MCOLN3: variants seen among roughly 807,000 people sequenced by gnomAD.
MCOLN3 encodes the protein mucolipin TRP cation channel 3, also known as mucolipin-3.
MCOLN3 carries 62 observed loss-of-function variants against 69.4 expected under a neutral mutation model. That is an observed-to-expected ratio of 0.89 (90% CI 0.73 to 1.10). MCOLN3 has a LOEUF of 1.10. Ranked by LOEUF, MCOLN3 falls within the 50% of genes least tolerant of loss-of-function variation. The pLI, the probability that MCOLN3 is intolerant of heterozygous loss-of-function variation, is 0.00. For missense variants in MCOLN3, 564 were observed against 656.4 expected, an observed-to-expected ratio of 0.86 and a Z score of 1.54; for synonymous variants, 183 against 217.0, an observed-to-expected ratio of 0.84 and a Z score of 1.38.
chr1:85,021,974 T>A, intron 11 of MCOLN3, 96 bp downstream of exon 11: 1 of 1,453,980 alleles, frequency 6.9e-7, no homozygotes, highest in Non-Finnish European at 9.3e-7. Flanking sequence ...TAAGGCTGAA[T>A]CACAAAATAA....
At position 85,045,152 on chromosome 1, in the gene MCOLN3, AT is replaced by A. The variant is rs1653279741; in HGVS notation, c.208del (p.Ile70LeufsTer4). On this transcript the variant is annotated frameshift_variant, in exon 2 of 13. Transcript: ENST00000370589. LOFTEE classifies it high-confidence loss of function. ...GCTTACCTGGATAGTCACCATTGCA[AT>A]TTTTAGAATTTGTATGGCAAGTTTC... The part of the protein sequence containing the change: ...PWKLAIQILK[I>X]AMVTIQLVLF... 1 of 1,613,616 alleles carries A rather than the reference AT, an allele frequency of 6.2e-7. No individual in the cohort carries two copies. Among genetic ancestry groups the A allele is most frequent in the South Asian group, 1.1e-5 (1 of 91,044 alleles).
chr1:85,032,785 T>A lies in MCOLN3; in HGVS notation c.643A>T (p.Thr215Ser). ...NLTLDFHRLL[T>S]VELQFKLKAI... is the part of the protein sequence containing the mutation. ...TTCAGTTTAAACTGAAGCTCCACTG[T>A]TAGGAGTCTAGAAAACAGAGGTGAT... Residue 215 changes from threonine (T) to serine (S), a missense_variant, in exon 6 of 13, where the codon ACA becomes TCA. Coordinates refer to ENST00000370589, the MANE Select transcript of MCOLN3 (RefSeq NM_018298.11). 1 of 1,614,072 alleles carries A rather than the reference T, an allele frequency of 6.2e-7. No individual in the cohort carries two copies. Among genetic ancestry groups the A allele is most frequent in the Non-Finnish European group, 8.5e-7 (1 of 1,179,892 alleles).
In MCOLN3 at chr1:85,034,270, A is replaced by T. The variant is rs753922432; in HGVS notation, c.397-19T>A. The T allele has an allele frequency of 6.2e-7, 1 of 1,613,676 alleles. No homozygotes were observed. The highest frequency in any genetic ancestry group is 8.5e-7 in the Non-Finnish European group (1 of 1,179,622). ...GCAAGTACTTCAACCAAAATGAGAA[A>T]CAGAAAATGGGAATGCCAGCCAGGG... On this transcript the variant is annotated intron_variant, in intron 3 of 12. Coordinates refer to ENST00000370589, the MANE Select transcript of MCOLN3 (RefSeq NM_018298.11).
At chr1:85,020,981 A>C in intron 12 of MCOLN3, 89 bp downstream of exon 12, 1 of 914,490 alleles carries the variant, frequency 1.1e-6, no homozygotes, top group East Asian at 2.7e-5. Flanking sequence ...CATTCCATCA[A>C]CTTTTCTTCT....
chr1:85,028,476 C>A (rs1652334072), intron 7 of MCOLN3, among the ~76,000 whole-genome samples: 1 of 152,168 alleles, frequency 6.6e-6, no homozygotes, highest in Non-Finnish European at 1.5e-5. Flanking sequence ...GTACGATGTA[C>A]CATTATGTCA....
At chr1:85,033,639 A>C (rs1652648912) in intron 4 of MCOLN3, among the ~76,000 whole-genome samples, 1 of 152,192 alleles carries the variant, frequency 6.6e-6, no homozygotes, top group African/African-American at 2.4e-5. Context: ...CCAAAGATGC[A>C]TGATAGTGAA....
At chr1:85,032,148 A>G (rs1227493463) in intron 6 of MCOLN3, among the ~76,000 whole-genome samples, 1 of 152,186 alleles carries the variant, frequency 6.6e-6, no homozygotes, top group Non-Finnish European at 1.5e-5. Flanking sequence ...GTAGAAATAC[A>G]TTATATGGCC....
Position 85,022,067 on chromosome 1 carries a change from T to C in MCOLN3, c.1320+3A>G. 2 of 1,613,158 alleles carry C rather than the reference T, an allele frequency of 1.2e-6. No homozygotes were observed. The highest frequency in any genetic ancestry group is 1.7e-4 in the Middle Eastern group (1 of 6,056). ...TAACAGGAAAAAAGTTGTTTATCAG[T>C]ACCTTGTCATGGTAAGGCCCCAGCA... On this transcript the variant is annotated splice_donor_region_variant and intron_variant, in intron 11 of 12. Coordinates refer to ENST00000370589, the MANE Select transcript of MCOLN3 (RefSeq NM_018298.11).
At chr1:85,045,392 C>CAA in intron 1 of MCOLN3, 30 bp from the exon 2 acceptor site, 3 of 1,525,644 alleles carry the variant, frequency 2.0e-6, no homozygotes, top group Non-Finnish European at 2.7e-6. Flanking sequence ...ACAACAACAA[C>CAA]CAACATTTCC....
intron 7 of MCOLN3, among the ~76,000 whole-genome samples, chr1:85,028,904 A>G (rs1348929528): frequency 1.4e-4 from 22 of 152,188 alleles, no homozygotes; most frequent in Admixed American, 1.4e-3. Flanking sequence ...AAGTGAGGGC[A>G]CAAGGAGAGG....
chr1:85,024,099 C>A (rs1460790090), intron 9 of MCOLN3, among the ~76,000 whole-genome samples: 2 of 151,066 alleles, frequency 1.3e-5, no homozygotes, highest in Admixed American at 6.6e-5. Flanking sequence ...TTTGAGGCTG[C>A]AGTGAGCTAT....
intron 6 of MCOLN3, 45 bp downstream of exon 6, chr1:85,032,651 A>G: frequency 7.0e-7 from 1 of 1,420,038 alleles, no homozygotes; most frequent in Non-Finnish European, 1.0e-6. Context: ...AGATAAAACA[A>G]TTTTTCTCCA....
intron 3 of MCOLN3, 148 bp from the exon 4 acceptor site, chr1:85,034,399 T>C: frequency 1.4e-6 from 1 of 720,272 alleles, no homozygotes; most frequent in African/African-American, 1.8e-5. Flanking sequence ...GACTTGCTGC[T>C]GTGCACTAGG....
At position 85,018,980 on chromosome 1, in the gene MCOLN3, TA is replaced by T; in HGVS notation, c.*142del. On this transcript the variant is annotated 3_prime_UTR_variant, in exon 13 of 13. Transcript: ENST00000370589. Reference sequence around the variant, plus strand: ...ACATTAAATATTGCTTTTAAAAATATAAACAGTTATTGGTGAATTATAGGTC... The same window carrying T: ...ACATTAAATATTGCTTTTAAAAATATAACAGTTATTGGTGAATTATAGGTC... 1 of 718,310 alleles carries T rather than the reference TA, an allele frequency of 1.4e-6. No individual in the cohort carries two copies. The highest frequency in any genetic ancestry group is 3.0e-5 in the East Asian group (1 of 32,956). 44.5% of individuals were successfully genotyped at this position (718,310 alleles called of 1,614,324 possible). A position where few individuals can be genotyped will look rare whatever the true frequency, so the allele number is the denominator to read the frequency against.
rs140985093 is a variant in MCOLN3 at position 85,045,282 on chromosome 1, A to C, written c.79T>G (p.Ser27Ala). Residue 27 changes from serine to alanine, a missense_variant, in exon 2 of 13, where the codon TCT becomes GCT. Ser to Ala is a moderately conservative substitution (Grantham distance 99). Coordinates refer to ENST00000370589, the MANE Select transcript of MCOLN3 (RefSeq NM_018298.11). ...ENRCNFNQQTSPSEELLLEDQ... is the reference protein window; with the variant it reads ...ENRCNFNQQTAPSEELLLEDQ... ...TCTAATAGAAGCTCCTCAGATGGAG[A>C]TGTTTGCTGGTTAAAATTGCAGCGA... The C allele has an allele frequency of 8.1e-5, 131 of 1,614,070 alleles. No individual in the cohort carries two copies. The highest frequency in any genetic ancestry group is 1.1e-4 in the Non-Finnish European group (125 of 1,179,974).
chr1:85,022,352 T>C lies in MCOLN3; in HGVS notation c.1144A>G (p.Met382Val). 1 of 1,613,770 alleles carries C rather than the reference T, an allele frequency of 6.2e-7. No homozygotes were observed. Among genetic ancestry groups the C allele is most frequent in the Non-Finnish European group, 8.5e-7 (1 of 1,179,744 alleles). Reference sequence around the variant, plus strand: ...CGGATGACTCCAAGCCACACGAGCATGGTAGAAGTCCCAAGAAGTATGCTA... The same window carrying C: ...CGGATGACTCCAAGCCACACGAGCACGGTAGAAGTCCCAAGAAGTATGCTA... ...VCSILLGTST[M>V]LVWLGVIRYL... The change falls in exon 10 of 13, where the codon ATG becomes GTG. Residue 382 changes from methionine to valine, a missense_variant. By Grantham distance (21) the Met-to-Val change is conservative (BLOSUM62 1). Transcript: ENST00000370589.
intron 1 of MCOLN3, 58 bp from the exon 2 acceptor site, chr1:85,045,420 A>T: frequency 7.3e-7 from 1 of 1,360,886 alleles, no homozygotes; most frequent in Non-Finnish European, 1.0e-6. Flanking sequence ...GAGTAAAGAC[A>T]CAAGTCCATA....
At chr1:85,045,440 A>G (rs1444045789) in intron 1 of MCOLN3, 78 bp from the exon 2 acceptor site, 1 of 1,169,536 alleles carries the variant, frequency 8.6e-7, no homozygotes, top group African/African-American at 1.5e-5. Flanking sequence ...ATTCTTTAAT[A>G]TTGCAAGGAG....
chr1:85,020,958 C>T, intron 12 of MCOLN3, 112 bp downstream of exon 12: 1 of 749,436 alleles, frequency 1.3e-6, no homozygotes, highest in African/African-American at 1.8e-5. Flanking sequence ...TTTCTCTATC[C>T]TGAAGAAATT....
Sources: gnomAD v4.1 joint callset for allele counts (sites outside exome capture counted in the v4.1 genomes callset) on GRCh38, gnomAD v4.1.1 for gene constraint, MANE v1.5 for transcripts, NCBI Gene and HGNC (gene_info 2026-07-23, HGNC 2026-07-21) for gene names.